Variants in MYOM3 observed in about 807,000 individuals in gnomAD.
The protein encoded by MYOM3 is myomesin 3, also known as myomesin-3.
MYOM3 carries 155 observed loss-of-function variants against 191.7 expected under a neutral mutation model. The observed-to-expected ratio is 0.81, with a 90% CI of 0.71 to 0.92. The LOEUF (loss-of-function observed/expected upper bound fraction) is 0.92. Among genes scored for constraint, MYOM3 ranks in the 40% least tolerant of loss-of-function variants. The probability of loss-of-function intolerance (pLI) is 0.00; values close to 1 mark genes in which losing one functional copy is unlikely to be tolerated. For missense variants in MYOM3, 1,889 were observed against 1,890.6 expected (o/e 1.00, Z 0.02); for synonymous variants, 757 against 762.9 (o/e 0.99, Z 0.13).
intron 2 of MYOM3, 98 bp from the exon 3 acceptor site, chr1:24,108,171 A>T: frequency 8.5e-7 from 1 of 1,172,756 alleles, no homozygotes; most frequent in Non-Finnish European, 1.2e-6. Context: ...TCAGGGCACC[A>T]GCAGGCAGGG....
At position 24,089,573 on chromosome 1, in the gene MYOM3, G is replaced by C. The variant is rs369274767; in HGVS notation, c.1579C>G (p.Arg527Gly). Residue 527 changes from arginine (R) to glycine (G), a missense_variant, in exon 14 of 37, where the codon CGG becomes GGG. Physicochemically the swap from Arg to Gly is moderately radical, Grantham distance 125. Coordinates refer to ENST00000374434, the MANE Select transcript of MYOM3 (RefSeq NM_152372.4). ...VVLAWEEPSP[R>G]DRAPLTYSLE... ...GAGTACGTCAGTGGTGCTCTGTCCCGGGGGCTGGGCTCCTCCCAGGCCAGA... is the reference window on the plus strand; with the variant it reads ...GAGTACGTCAGTGGTGCTCTGTCCCCGGGGCTGGGCTCCTCCCAGGCCAGA... 6.3e-7 allele frequency: 1 copy of C among 1,595,886 alleles called. No individual in the cohort carries two copies.
At chr1:24,096,248 G>T (rs1643877918) in intron 7 of MYOM3, among the ~76,000 whole-genome samples, 1 of 152,198 alleles carries the variant, frequency 6.6e-6, no homozygotes, top group African/African-American at 2.4e-5. Context: ...TGGAACTCAG[G>T]GCTCCTGTCC....
At chr1:24,065,799 G>A (rs1203412092) in intron 29 of MYOM3, 92 bp downstream of exon 29, 5 of 953,622 alleles carry the variant, frequency 5.2e-6, no homozygotes, top group South Asian at 2.6e-5. Flanking sequence ...ACCTAGCCTC[G>A]GCCCTGCCCT....
At chr1:24,066,870 G>T (rs1384783443) in intron 28 of MYOM3, 151 bp downstream of exon 28, 2 of 675,966 alleles carry the variant, frequency 3.0e-6, no homozygotes, top group Non-Finnish European at 4.8e-6. Context: ...GTTACGTGTG[G>T]TCTCCTCGGG....
At position 24,068,282 on chromosome 1, in the gene MYOM3, G is replaced by A. The variant is rs969151430; in HGVS notation, c.3236C>T (p.Thr1079Ile). 6.2e-6 allele frequency: 10 copies of A among 1,614,046 alleles called. No homozygotes were observed. The highest frequency in any genetic ancestry group is 8.5e-6 in the Non-Finnish European group (10 of 1,180,028). ...GGCTTTTCCATCTTGGAGTTGAGCG[G>A]TGTACGACCCTTTGTCCTCCTCAGA... is the stretch of plus-strand genomic sequence containing the variant. ...NLSEEDKGSY[T>I]AQLQDGKAKN... The change falls in exon 26 of 37, where the codon ACC (threonine) becomes ATC (isoleucine). Residue 1079 changes from threonine to isoleucine, a missense_variant. Coordinates refer to ENST00000374434, the MANE Select transcript of MYOM3 (RefSeq NM_152372.4).
At chr1:24,096,714 G>A (rs542272491) in intron 7 of MYOM3, among the ~76,000 whole-genome samples, 20 of 152,148 alleles carry the variant, frequency 1.3e-4, no homozygotes, top group Non-Finnish European at 2.1e-4. Context: ...GTATGAGTGC[G>A]CGTGTGTGTA....
At chr1:24,069,772 G>T (rs1643500728) in intron 25 of MYOM3, among the ~76,000 whole-genome samples, 1 of 151,966 alleles carries the variant, frequency 6.6e-6, no homozygotes, top group South Asian at 2.1e-4. Context: ...ACCATGCCTG[G>T]CTAAGTTTTT....
intron 29 of MYOM3, 79 bp from the exon 30 acceptor site, chr1:24,064,238 C>A: frequency 8.9e-7 from 1 of 1,118,168 alleles, no homozygotes. Context: ...GAGGCCTGGG[C>A]TCCAGGCCTG....
Position 24,089,388 on chromosome 1 carries a change from C to T in MYOM3, c.1614+150G>A, listed in dbSNP as rs1474371916. 7 of 998,606 alleles carry T rather than the reference C, an allele frequency of 7.0e-6. No individual in the cohort carries two copies. The African/African-American group carries it at 1.2e-4, about 17-fold the overall frequency. 61.9% of individuals were successfully genotyped at this position (998,606 alleles called of 1,614,324 possible). ...CTGCAAAAGGCTATTCAATCCATCCCCTTGCCTCTGTGTAGGGCCATGCCT... is the reference window on the plus strand; with the variant it reads ...CTGCAAAAGGCTATTCAATCCATCCTCTTGCCTCTGTGTAGGGCCATGCCT... On this transcript the variant is annotated intron_variant, in intron 14 of 36. Coordinates refer to ENST00000374434, the MANE Select transcript of MYOM3 (RefSeq NM_152372.4).
intron 11 of MYOM3, 83 bp downstream of exon 11, chr1:24,092,091 A>C (rs1643845867): frequency 2.3e-6 from 3 of 1,293,470 alleles, no homozygotes; most frequent in South Asian, 4.6e-5. Context: ...GAGGTCAGAC[A>C]TGGGGCCTCC....
chr1:24,099,212 A>C (rs1643894715), intron 6 of MYOM3, among the ~76,000 whole-genome samples: 1 of 152,180 alleles, frequency 6.6e-6, no homozygotes. Flanking sequence ...CTCCCATGTC[A>C]CTGCTTCCCC....
At chr1:24,083,373 T>TA (rs1643697668) in intron 16 of MYOM3, 1 of 152,354 alleles carries the variant, frequency 6.6e-6, no homozygotes, top group Admixed American at 6.5e-5. Context: ...GACTGGGACT[T>TA]ACACCAGTGG....
rs11329936 is a variant in MYOM3, at chr1:24,105,796, CG to C, written c.560+123del. ...CTGGTTCCCCAGCAGCTGCTCTATT[CG>C]GTGGGTGGACAGAGCTCAGGGTTCA... On this transcript the variant is annotated intron_variant, in intron 5 of 36. Coordinates refer to ENST00000374434, the MANE Select transcript of MYOM3 (RefSeq NM_152372.4). 8.9e-3 allele frequency: 8,929 copies of C among 1,005,398 alleles called. 520 individuals carry two copies. In the African/African-American group the frequency reaches 0.13, roughly 14 times the overall value. The allele number at this position is 1,005,398 out of a possible 1,614,324, so 62.3% of individuals were successfully genotyped here. A position where few individuals can be genotyped will look rare whatever the true frequency, so the allele number is the denominator to read the frequency against.
chr1:24,105,058 T>A (rs1643970698), intron 5 of MYOM3, among the ~76,000 whole-genome samples: 1 of 152,198 alleles, frequency 6.6e-6, no homozygotes, highest in South Asian at 2.1e-4. Context: ...AATGTGTGCC[T>A]GTGCAGGAGA....
chr1:24,090,031 C>T (rs766171292), intron 13 of MYOM3, 34 bp downstream of exon 13: 1 of 1,604,346 alleles, frequency 6.2e-7, no homozygotes, highest in Non-Finnish European at 8.5e-7. Context: ...GAGAACTATA[C>T]AGGAGGCCCA....
At chr1:24,106,259 T>C (rs1307210767) in intron 4 of MYOM3, among the ~76,000 whole-genome samples, 182 bp from the exon 5 acceptor site, 2 of 152,236 alleles carry the variant, frequency 1.3e-5, no homozygotes, top group African/African-American at 4.8e-5. Flanking sequence ...TGGAGCCAGC[T>C]GGCCTGGGGT....
At position 24,057,043 on chromosome 1, in the gene MYOM3, G is replaced by A. The variant is rs552780923; in HGVS notation, c.*321C>T. The stretch of plus-strand genomic sequence containing the variant: ...ATCTGGGGTCGGATAATTCTATGTG[G>A]TGGGAGCTGCAGTGTTTAGCAGCGT... On this transcript the variant is annotated 3_prime_UTR_variant, in exon 37 of 37. Coordinates refer to ENST00000374434, the MANE Select transcript of MYOM3 (RefSeq NM_152372.4). The A allele has an allele frequency of 2.0e-4, 63 of 310,536 alleles. 1 individual carries two copies. In the South Asian group the frequency reaches 4.4e-3, roughly 22 times the overall value. 19.2% of individuals were successfully genotyped at this position (310,536 alleles called of 1,614,324 possible).
chr1:24,095,279 G>A (rs187182690), intron 8 of MYOM3, among the ~76,000 whole-genome samples, 163 bp downstream of exon 8: 29 of 152,264 alleles, frequency 1.9e-4, no homozygotes, highest in Admixed American at 7.2e-4. Flanking sequence ...GGTACCCTGC[G>A]GCCTTTAGAA....
chr1:24,064,141 C>T lies in MYOM3; in HGVS notation c.3553G>A (p.Gly1185Arg), dbSNP rs1643406695. 3 of 1,613,876 alleles carry T rather than the reference C, an allele frequency of 1.9e-6. No individual in the cohort carries two copies. The highest frequency in any genetic ancestry group is 1.1e-5 in the South Asian group (1 of 91,074). Residue 1185 changes from glycine to arginine, a missense_variant, in exon 30 of 37, where the codon GGA (glycine) becomes AGA (arginine). Gly to Arg is a moderately radical substitution (Grantham distance 125, BLOSUM62 -2). Coordinates refer to ENST00000374434, the MANE Select transcript of MYOM3 (RefSeq NM_152372.4). ...CIEELSKKDK[G>R]IYRAMVSDDR... ...TCAGAAACCATCGCTCTGTAAATTC[C>T]CTTGTCCTTTTTGGACAACTGGAAA...
Sources: allele counts gnomAD v4.1 joint callset (sites outside exome capture counted in the v4.1 genomes callset), GRCh38; gene constraint gnomAD v4.1.1; transcripts MANE v1.5; gene names NCBI Gene and HGNC (gene_info 2026-07-23, HGNC 2026-07-21).